The following NHERF1 variants were observed in gnomAD, a reference collection of about 807,000 sequenced individuals.
NHERF1 encodes NHERF family PDZ scaffold protein 1.
At chr17:74,760,222 G>C in the NHERF1 span, among the ~76,000 whole-genome samples, 2 of 151,712 alleles carry the variant, frequency 1.3e-5, no homozygotes, top group East Asian at 3.9e-4. The surrounding 1 kb of genome is among the most constrained non-coding windows in gnomAD (Gnocchi z 4.5). Flanking sequence ...TGGGAGTGCC[G>C]GGGGGTGAGC....
At chr17:74,768,391 C>A in the NHERF1 span, 2 of 1,539,178 alleles carry the variant, frequency 1.3e-6, no homozygotes, top group Non-Finnish European at 1.8e-6. Flanking sequence ...CCAACGGAGC[C>A]ACCTCACCAA....
At chr17:74,767,997 G>A in the NHERF1 span, 11 of 759,812 alleles carry the variant, frequency 1.4e-5, no homozygotes, top group East Asian at 2.3e-4. Flanking sequence ...GCCCCAGCAG[G>A]CTCAGGAGGT....
At chr17:74,762,017 G>C in the NHERF1 span, 1 of 1,614,032 alleles carries the variant, frequency 6.2e-7, no homozygotes, top group Non-Finnish European at 8.5e-7. The surrounding 1 kb of genome is among the most constrained non-coding windows in gnomAD (Gnocchi z 4.2). Flanking sequence ...TGCAGCGCGA[G>C]CTTCGGCCTC....
the NHERF1 span, among the ~76,000 whole-genome samples, chr17:74,767,312 C>G: frequency 2.6e-5 from 4 of 151,152 alleles, no homozygotes; most frequent in African/African-American, 9.8e-5. Context: ...GCAGCCGGGC[C>G]CCTGCTACTT....
chr17:74,748,842 G>T, the NHERF1 span: 1 of 1,589,448 alleles, frequency 6.3e-7, no homozygotes, highest in Admixed American at 1.7e-5. This position sits in a 1 kb window ranked among gnomAD's most constrained non-coding sequence, Gnocchi z 4.3. Flanking sequence ...CCGTCGCAGG[G>T]CGAGATGAGC....
chr17:74,757,304 T>C, the NHERF1 span, among the ~76,000 whole-genome samples: 2 of 151,788 alleles, frequency 1.3e-5, no homozygotes. Context: ...CACTGAGAAA[T>C]AGGAAGGAAG....
chr17:74,768,599 C>T, the NHERF1 span: 5 of 1,614,032 alleles, frequency 3.1e-6, no homozygotes, highest in African/African-American at 2.7e-5. Context: ...AACGCAGCAG[C>T]AAACGGGCCC....
At chr17:74,751,972 C>T in the NHERF1 span, among the ~76,000 whole-genome samples, 1 of 152,222 alleles carries the variant, frequency 6.6e-6, no homozygotes, top group African/African-American at 2.4e-5. The surrounding 1 kb of genome is among the most constrained non-coding windows in gnomAD (Gnocchi z 4.3). Context: ...AGTCCAGGCT[C>T]AGCCAGCCTT....
the NHERF1 span, among the ~76,000 whole-genome samples, chr17:74,753,855 T>C: frequency 1.3e-5 from 2 of 151,232 alleles, no homozygotes; most frequent in Non-Finnish European, 2.9e-5. Flanking sequence ...GGTGGGAAAT[T>C]AATAAGAAAC....
the NHERF1 span, among the ~76,000 whole-genome samples, chr17:74,752,565 C>T: frequency 1.2e-4 from 18 of 152,046 alleles, no homozygotes; most frequent in Non-Finnish European, 1.8e-4. Context: ...GCAACCTCGC[C>T]TCGCTGCAGC....
the NHERF1 span, chr17:74,768,798 CTA>C: frequency 2.8e-6 from 2 of 726,010 alleles, no homozygotes; most frequent in Non-Finnish European, 4.5e-6. Context: ...TTCTAGAGAA[CTA>C]TGTTCTTCCC....
At chr17:74,766,187 T>TTTTTGTTTTG in the NHERF1 span, among the ~76,000 whole-genome samples, 9 of 152,068 alleles carry the variant, frequency 5.9e-5, no homozygotes, top group East Asian at 1.2e-3. Context: ...TGGTTTGTTT[T>TTTTTGTTTTG]TTTTGTTTTG....
chr17:74,756,974 G>T, the NHERF1 span, among the ~76,000 whole-genome samples: 1 of 152,178 alleles, frequency 6.6e-6, no homozygotes, highest in African/African-American at 2.4e-5. Context: ...CTTCTGGGAG[G>T]AGGGTGAGGG....
the NHERF1 span, among the ~76,000 whole-genome samples, chr17:74,759,694 G>A: frequency 1.3e-5 from 2 of 152,258 alleles, no homozygotes; most frequent in Non-Finnish European, 2.9e-5. Context: ...CCGATGCCCT[G>A]GAGAGAGCCC....
At chr17:74,753,743 G>A in the NHERF1 span, among the ~76,000 whole-genome samples, 7 of 151,550 alleles carry the variant, frequency 4.6e-5, 1 homozygote, top group Admixed American at 2.0e-4. Context: ...ACAGGGGGAG[G>A]GGGGTGAATG....
At chr17:74,765,330 G>A in the NHERF1 span, among the ~76,000 whole-genome samples, 1 of 151,602 alleles carries the variant, frequency 6.6e-6, no homozygotes, top group Non-Finnish European at 1.5e-5. Context: ...GTGCGATCTC[G>A]GCTCACAGCA....
At chr17:74,767,765 C>A in the NHERF1 span, among the ~76,000 whole-genome samples, 40 of 152,290 alleles carry the variant, frequency 2.6e-4, no homozygotes, top group Non-Finnish European at 4.4e-4. Context: ...ATTCAGGGAG[C>A]ACCACATGGG....
the NHERF1 span, among the ~76,000 whole-genome samples, chr17:74,757,837 G>C: frequency 6.6e-6 from 1 of 152,192 alleles, no homozygotes; most frequent in Admixed American, 6.5e-5. Context: ...CCTGTATTGG[G>C]CATGGGGCAC....
the NHERF1 span, among the ~76,000 whole-genome samples, chr17:74,755,031 T>A: frequency 6.6e-6 from 1 of 152,118 alleles, no homozygotes. Flanking sequence ...TAGCGACTCC[T>A]CCCACACAGC....
Sources: gnomAD v4.1 joint callset for allele counts (sites outside exome capture counted in the v4.1 genomes callset) on GRCh38, gnomAD v4.1.1 for gene constraint, Gnocchi (gnomAD v3.1) non-coding constraint, MANE v1.5 for transcripts, NCBI Gene and HGNC (gene_info 2026-07-23, HGNC 2026-07-21) for gene names.